RBMS3: variants seen among roughly 807,000 people sequenced by gnomAD.
The protein encoded by RBMS3 is RNA binding motif single stranded interacting protein 3.
In RBMS3, 27 loss-of-function variants were observed where a neutral mutation model predicts 66.8. That is an observed-to-expected ratio of 0.40 (90% confidence interval 0.30 to 0.56). RBMS3 has a LOEUF of 0.56. Among genes scored for constraint, RBMS3 ranks in the 20% least tolerant of loss-of-function variants. The probability of loss-of-function intolerance (pLI) is 0.40; values close to 1 mark genes in which losing one functional copy is unlikely to be tolerated. For synonymous variants in RBMS3, 188 were observed against 183.0 expected (o/e 1.03, Z -0.22); for missense variants, 513 against 549.5 (o/e 0.93, Z 0.66).
chr3:29,646,993 C>T (rs9310906), intron 4 of RBMS3, among the ~76,000 whole-genome samples: 44,366 of 151,882 alleles, frequency 0.29, 6,697 homozygotes, highest in Middle Eastern at 0.36. Flanking sequence ...TTTCTTTTCC[C>T]TTGAGACAGA....
chr3:29,760,336 C>A (rs968649064), intron 5 of RBMS3, among the ~76,000 whole-genome samples: 2 of 151,760 alleles, frequency 1.3e-5, no homozygotes, highest in Non-Finnish European at 2.9e-5. Context: ...AATTCCATGC[C>A]ATTTTAAGAC....
At position 29,659,552 on chromosome 3, in the gene RBMS3, C is replaced by T. The variant is rs900574999; in HGVS notation, c.399+72347C>T. Among the ~76,000 whole-genome samples, 3 of 152,160 alleles carry T rather than the reference C, an allele frequency of 2.0e-5. 1 individual carries two copies. Among genetic ancestry groups the T allele is most frequent in the African/African-American group, 7.2e-5 (3 of 41,430 alleles). ...CAAAGATCATGCATGTTGTAGCATA[C>T]ATAAGAATTTTCTTCCTATGGTTGA... On this transcript the variant is annotated intron_variant, in intron 4 of 14. Transcript: ENST00000383767.
At chr3:29,555,262 C>G (rs997835935) in intron 3 of RBMS3, among the ~76,000 whole-genome samples, 3 of 152,198 alleles carry the variant, frequency 2.0e-5, no homozygotes, top group Non-Finnish European at 4.4e-5. Context: ...TTGGTGATTA[C>G]AGACCAATGT....
At chr3:29,483,942 T>C (rs2043231809) in intron 2 of RBMS3, among the ~76,000 whole-genome samples, 2 of 152,224 alleles carry the variant, frequency 1.3e-5, no homozygotes, top group African/African-American at 4.8e-5. Context: ...TTGGTGTGGA[T>C]GCATGATCAC....
In RBMS3 at chr3:29,369,273, C is replaced by G. The variant is rs147303482; in HGVS notation, c.76-65470C>G. 1.5e-3 allele frequency among the ~76,000 whole-genome samples: 223 copies of G among 151,942 alleles called. 10 individuals are homozygous for G. The East Asian group carries it at 0.03, about 20-fold the overall frequency. On this transcript the variant is annotated intron_variant, in intron 1 of 14. Transcript: ENST00000383767. The stretch of plus-strand genomic sequence containing the variant: ...AACCAACCCCCATGACACAAGTTTA[C>G]CTATATAATGAATCTGCACATGTAT...
At chr3:29,698,452 T>C in intron 4 of RBMS3, 3 of 985,302 alleles carry the variant, frequency 3.0e-6, no homozygotes, top group Non-Finnish European at 3.6e-6. Flanking sequence ...AATGGAGAAA[T>C]ACAGTCTTTG....
At chr3:29,330,447 T>A (rs1575557660) in intron 1 of RBMS3, among the ~76,000 whole-genome samples, 2 of 152,278 alleles carry the variant, frequency 1.3e-5, no homozygotes, top group Admixed American at 1.3e-4. Context: ...ATTTATGAAA[T>A]CATTTGGGCT....
intron 4 of RBMS3, among the ~76,000 whole-genome samples, chr3:29,719,407 G>A (rs1466848258): frequency 1.3e-5 from 2 of 152,020 alleles, no homozygotes; most frequent in Non-Finnish European, 2.9e-5. Flanking sequence ...GATCCAATAT[G>A]TTCATTTTTT....
intron 1 of RBMS3, among the ~76,000 whole-genome samples, chr3:29,360,758 T>C (rs1358934723): frequency 1.3e-5 from 2 of 152,096 alleles, no homozygotes; most frequent in African/African-American, 4.8e-5. Flanking sequence ...ATATTTAGGA[T>C]AGTTAGCTCT....
At chr3:29,349,221 C>T (rs1308237509) in intron 1 of RBMS3, among the ~76,000 whole-genome samples, 3 of 152,090 alleles carry the variant, frequency 2.0e-5, no homozygotes, top group Admixed American at 1.3e-4. Flanking sequence ...CTAAAATTCT[C>T]TCTGCAGGAA....
intron 4 of RBMS3, among the ~76,000 whole-genome samples, chr3:29,730,336 A>G (rs2054077884): frequency 6.6e-6 from 1 of 151,454 alleles, no homozygotes; most frequent in Non-Finnish European, 1.5e-5. Context: ...GTAGACTACA[A>G]TGAGAATGGT....
chr3:29,446,111 C>G (rs1425060506), intron 2 of RBMS3, among the ~76,000 whole-genome samples: 1 of 152,066 alleles, frequency 6.6e-6, no homozygotes, highest in African/African-American at 2.4e-5. Flanking sequence ...CTTAAGAAAA[C>G]AAAGAGACGG....
intron 3 of RBMS3, among the ~76,000 whole-genome samples, chr3:29,528,827 A>C (rs775262033): frequency 6.6e-6 from 1 of 152,126 alleles, no homozygotes; most frequent in Non-Finnish European, 1.5e-5. Context: ...TCTGCCTCCC[A>C]GGTTCAAGCG....
chr3:29,685,013 A>G (rs1476242107), intron 4 of RBMS3, among the ~76,000 whole-genome samples: 1 of 151,854 alleles, frequency 6.6e-6, no homozygotes, highest in Non-Finnish European at 1.5e-5. Context: ...TATATTTTTC[A>G]GGGGTAAAAC....
chr3:29,998,860 G>A (rs531769443), intron 14 of RBMS3, among the ~76,000 whole-genome samples: 277 of 152,230 alleles, frequency 1.8e-3, no homozygotes, highest in Middle Eastern at 0.01. Flanking sequence ...ATAGGCATGG[G>A]CAAGGACTTC....
chr3:29,407,838 A>T (rs2040089599), intron 1 of RBMS3, among the ~76,000 whole-genome samples: 1 of 152,206 alleles, frequency 6.6e-6, no homozygotes, highest in South Asian at 2.1e-4. Context: ...TTTTGTGCAT[A>T]AATATTCTAA....
chr3:29,702,624 C>G (rs774974120), intron 4 of RBMS3, among the ~76,000 whole-genome samples: 1 of 152,130 alleles, frequency 6.6e-6, no homozygotes, highest in Non-Finnish European at 1.5e-5. Context: ...GCCAGCGAGA[C>G]CACAAACCCA....
chr3:29,473,619 G>A (rs2042834311), intron 2 of RBMS3, among the ~76,000 whole-genome samples: 1 of 152,244 alleles, frequency 6.6e-6, no homozygotes, highest in Non-Finnish European at 1.5e-5. Context: ...CTCAGGCATG[G>A]CGGGCTGCAG....
intron 12 of RBMS3, among the ~76,000 whole-genome samples, chr3:29,947,154 C>T (rs1695379517): frequency 1.3e-5 from 2 of 151,364 alleles, no homozygotes; most frequent in East Asian, 2.0e-4. Flanking sequence ...TAGCAAAATA[C>T]TTGGATTTAA....
Sources: gnomAD v4.1 joint callset for allele counts (sites outside exome capture counted in the v4.1 genomes callset) on GRCh38, gnomAD v4.1.1 for gene constraint, MANE v1.5 for transcripts, NCBI Gene and HGNC (gene_info 2026-07-23, HGNC 2026-07-21) for gene names.